DENND2B: variants seen among roughly 807,000 people sequenced by gnomAD.
DENND2B encodes the protein DENN domain-containing protein 2B.
DENND2B carries 32 observed loss-of-function variants against 116.0 expected under a neutral mutation model. That is an observed-to-expected ratio of 0.28 (90% CI 0.21 to 0.37). DENND2B has a LOEUF of 0.37. Ranked by LOEUF, DENND2B falls within the 10% of genes least tolerant of loss-of-function variation. The pLI, the probability that DENND2B is intolerant of heterozygous loss-of-function variation, is 1.00. For missense variants in DENND2B, 1,276 were observed against 1,477.7 expected (o/e 0.86, Z 2.24); for synonymous variants, 588 against 583.9 (o/e 1.01, Z -0.10).
rs1321317274 is a variant in DENND2B, at chr11:8,712,958, A to G, written c.1988-223T>C. On this transcript the variant is annotated intron_variant, in intron 8 of 19. Transcript: ENST00000313726. The surrounding 1 kb of genome is among the most constrained non-coding windows in gnomAD (Gnocchi z 4.4). Reference sequence around the variant, plus strand: ...GAAGCTGCGGGCCTGGTCCTCCTGGAGCCTCTGGAGACTGAGCTGGGGCAG... The same window carrying G: ...GAAGCTGCGGGCCTGGTCCTCCTGGGGCCTCTGGAGACTGAGCTGGGGCAG... Among the ~76,000 whole-genome samples the G allele has an allele frequency of 1.3e-5, 2 of 152,176 alleles. No individual in the cohort carries two copies. Among genetic ancestry groups the G allele is most frequent in the Non-Finnish European group, 2.9e-5 (2 of 68,032 alleles).
At chr11:8,820,331 A>G (rs2061714754) in intron 4 of DENND2B, among the ~76,000 whole-genome samples, 1 of 152,236 alleles carries the variant, frequency 6.6e-6, no homozygotes, top group South Asian at 2.1e-4. Flanking sequence ...CATTTATTAA[A>G]TAGTAAATGG....
At chr11:8,708,236 C>G in intron 11 of DENND2B, 6 of 985,484 alleles carry the variant, frequency 6.1e-6, no homozygotes, top group Non-Finnish European at 7.2e-6. Context: ...AGGGTACATC[C>G]TTAGGACAAG....
chr11:8,783,348 TC>T (rs2058587257), intron 1 of DENND2B, among the ~76,000 whole-genome samples: 1 of 152,182 alleles, frequency 6.6e-6, no homozygotes, highest in Non-Finnish European at 1.5e-5. Flanking sequence ...CAAAAGTCCA[TC>T]GTCAGGTTAA....
intron 1 of DENND2B, among the ~76,000 whole-genome samples, chr11:8,899,641 G>A (rs1286451284): frequency 6.6e-6 from 1 of 152,108 alleles, no homozygotes; most frequent in Non-Finnish European, 1.5e-5. Flanking sequence ...AATAAAGACA[G>A]TTGATAAACA....
chr11:8,898,138 T>C (rs1451475183), intron 1 of DENND2B, among the ~76,000 whole-genome samples: 2 of 152,206 alleles, frequency 1.3e-5, no homozygotes, highest in Non-Finnish European at 2.9e-5. Flanking sequence ...AGTAGAGCCT[T>C]ACTAGGCTCA....
rs930453996 is a variant in DENND2B, at chr11:8,730,489, G to A, written c.801C>T (p.Ala267=). The A allele has an allele frequency of 6.2e-7, 1 of 1,612,294 alleles. No individual in the cohort carries two copies. The highest frequency in any genetic ancestry group is 8.5e-7 in the Non-Finnish European group (1 of 1,180,008). ...EKRLGRSEPS[A]FLRGHGSRKE... is the part of the protein sequence containing the mutation. ...TCCTGCTGCCATGCCCCCTGAGGAA[G>A]GCGCTGGGCTCACTCCGGCCCAGCC... Residue 267 remains alanine, a synonymous_variant, in exon 3 of 20, where the codon GCC becomes GCT. Transcript: ENST00000313726. This position sits in a 1 kb window ranked among gnomAD's most constrained non-coding sequence, Gnocchi z 4.1.
chr11:8,887,052 T>A (rs1594341638), intron 1 of DENND2B, among the ~76,000 whole-genome samples: 2 of 152,096 alleles, frequency 1.3e-5, no homozygotes, highest in Admixed American at 6.6e-5. Flanking sequence ...GGTTTTGAAC[T>A]CCCAACCTCA....
At chr11:8,880,809 C>T (rs1289453275) in intron 2 of DENND2B, among the ~76,000 whole-genome samples, 1 of 152,130 alleles carries the variant, frequency 6.6e-6, no homozygotes, top group East Asian at 1.9e-4. Context: ...CTTCTTGTTC[C>T]CCACAGCAAC....
In DENND2B at chr11:8,891,791, G is replaced by A. The variant is rs540246745; in HGVS notation, c.-255-10682C>T. 3.9e-5 allele frequency among the ~76,000 whole-genome samples: 6 copies of A among 152,184 alleles called. No homozygotes were observed. The East Asian group carries it at 1.2e-3, about 29-fold the overall frequency. ...ATTTAGACTCCCACACAATAATAAT[G>A]GGAGACTTTAACACCCCACTATCAA... On this transcript the variant is annotated intron_variant, in intron 1 of 22. Transcript: ENST00000534127.
At chr11:8,694,259 A>G in intron 19 of DENND2B, 129 bp from the exon 20 acceptor site, 1 of 1,110,580 alleles carries the variant, frequency 9.0e-7, no homozygotes, top group Non-Finnish European at 1.3e-6. Flanking sequence ...TATAACTGTG[A>G]TCTGATCCAG....
intron 6 of DENND2B, 89 bp from the exon 7 acceptor site, chr11:8,714,795 T>A: frequency 1.8e-6 from 2 of 1,129,376 alleles, no homozygotes; most frequent in Non-Finnish European, 2.6e-6. Flanking sequence ...TCCCTGCCCT[T>A]AATGGTACAA....
chr11:8,891,260 C>T (rs1594347377), intron 1 of DENND2B, among the ~76,000 whole-genome samples: 1 of 152,282 alleles, frequency 6.6e-6, no homozygotes, highest in East Asian at 1.9e-4. Context: ...TGGAAAGGAA[C>T]AACCGGTACC....
intron 2 of DENND2B, among the ~76,000 whole-genome samples, chr11:8,743,374 A>G (rs2050596547): frequency 6.6e-6 from 1 of 151,588 alleles, no homozygotes; most frequent in African/African-American, 2.4e-5. Context: ...ACATGGCAAA[A>G]CCCCGTCTCT....
intron 1 of DENND2B, among the ~76,000 whole-genome samples, chr11:8,801,857 A>T (rs948088083): frequency 6.6e-6 from 1 of 151,706 alleles, no homozygotes; most frequent in African/African-American, 2.4e-5. Flanking sequence ...TATAAAAATC[A>T]GCCAGGTGTG....
chr11:8,735,261 G>C (rs2133954088), intron 2 of DENND2B, among the ~76,000 whole-genome samples: 1 of 152,296 alleles, frequency 6.6e-6, no homozygotes, highest in East Asian at 1.9e-4. Context: ...AGCCAGTCTA[G>C]TCTTTTAGAG....
intron 1 of DENND2B, chr11:8,809,889 C>T (rs998904988): frequency 1.3e-5 from 2 of 150,656 alleles, no homozygotes; most frequent in African/African-American, 4.9e-5. Flanking sequence ...CTGTGATCGA[C>T]CTTTTGATGT....
rs1387045726 is a variant in DENND2B, at chr11:8,894,884, T to C, written c.-255-13775A>G. On this transcript the variant is annotated intron_variant, in intron 1 of 22. Transcript: ENST00000534127. Reference sequence around the variant, plus strand: ...GAACTAGAAATACCATTTGACCCAGTGATCCCATTTCTGGGTATATACCCA... The same window carrying C: ...GAACTAGAAATACCATTTGACCCAGCGATCCCATTTCTGGGTATATACCCA... 2.4e-3 allele frequency among the ~76,000 whole-genome samples: 369 copies of C among 152,230 alleles called. 3 individuals are homozygous for C. The highest frequency in any genetic ancestry group is 6.8e-3 in the Middle Eastern group (2 of 294).
chr11:8,827,566 G>C (rs1338769350), intron 4 of DENND2B, among the ~76,000 whole-genome samples: 1 of 152,208 alleles, frequency 6.6e-6, no homozygotes, highest in East Asian at 1.9e-4. Flanking sequence ...GCAAGATGAG[G>C]CTTGACTCTC....
chr11:8,770,017 T>C (rs916205706), intron 1 of DENND2B, among the ~76,000 whole-genome samples: 1 of 152,140 alleles, frequency 6.6e-6, no homozygotes, highest in Non-Finnish European at 1.5e-5. Context: ...TTGATTTTTT[T>C]AACAGCAGCT....
Sources: allele counts gnomAD v4.1 joint callset (sites outside exome capture counted in the v4.1 genomes callset), GRCh38; gene constraint gnomAD v4.1.1; non-coding constraint Gnocchi (gnomAD v3.1); transcripts MANE v1.5; gene names NCBI Gene and HGNC (gene_info 2026-07-23, HGNC 2026-07-21).